ZNF423: variants seen among roughly 807,000 people sequenced by gnomAD.
ZNF423 encodes the protein zinc finger protein 423, also known as Ebf-associated zinc finger protein.
ZNF423 carries 12 observed loss-of-function variants against 95.8 expected under a neutral mutation model. The observed-to-expected ratio is 0.13, with a 90% CI of 0.08 to 0.20. The LOEUF (loss-of-function observed/expected upper bound fraction) is 0.20, where lower values mean the gene tolerates loss of function less well. Among genes scored for constraint, ZNF423 ranks in the 10% least tolerant of loss-of-function variants. The probability of loss-of-function intolerance (pLI) is 1.00; values close to 1 mark genes in which losing one functional copy is unlikely to be tolerated. For synonymous variants in ZNF423, 749 were observed against 711.9 expected, an observed-to-expected ratio of 1.05 and a Z score of -0.83; for missense variants, 1,316 against 1,737.1, an observed-to-expected ratio of 0.76 and a Z score of 4.31.
chr16:49,645,232 G>T (rs1220205576), intron 3 of ZNF423, among the ~76,000 whole-genome samples: 1 of 152,132 alleles, frequency 6.6e-6, no homozygotes, highest in Non-Finnish European at 1.5e-5. Flanking sequence ...CCAAGAATAG[G>T]AATCACTGTG....
intron 3 of ZNF423, among the ~76,000 whole-genome samples, chr16:49,704,791 G>A (rs1392289802): frequency 6.6e-6 from 1 of 152,092 alleles, no homozygotes; most frequent in African/African-American, 2.4e-5. Flanking sequence ...GCTGCACTGT[G>A]GGCCTTCAAA....
chr16:49,697,046 G>A (rs189216625), intron 3 of ZNF423, among the ~76,000 whole-genome samples: 39 of 152,330 alleles, frequency 2.6e-4, no homozygotes, highest in African/African-American at 6.3e-4. Flanking sequence ...CATCGTGGGG[G>A]AGGAGGCTGG....
In ZNF423 at chr16:49,492,464, G is replaced by A. The variant is rs947449865; in HGVS notation, c.3850-1160C>T. 6.6e-6 allele frequency among the ~76,000 whole-genome samples: 1 copy of A among 151,202 alleles called. No homozygotes were observed. Among genetic ancestry groups the A allele is most frequent in the African/African-American group, 2.5e-5 (1 of 40,570 alleles). On this transcript the variant is annotated intron_variant, in intron 7 of 7. Transcript: ENST00000563137. The surrounding 1 kb of genome is among the most constrained non-coding windows in gnomAD (Gnocchi z 4.2). ...CCAGGTGATGCCAGTAGCCTCGCCCGGAGGCCGAGGCCGGGGCCGGGGCCG... is the reference window on the plus strand; with the variant it reads ...CCAGGTGATGCCAGTAGCCTCGCCCAGAGGCCGAGGCCGGGGCCGGGGCCG...
At chr16:49,549,380 C>T (rs965870123) in intron 5 of ZNF423, among the ~76,000 whole-genome samples, 1 of 152,212 alleles carries the variant, frequency 6.6e-6, no homozygotes, top group Non-Finnish European at 1.5e-5. Flanking sequence ...AGCCAGATGG[C>T]AGGGAAGAGC....
chr16:49,652,227 T>C (rs922666278), intron 3 of ZNF423, among the ~76,000 whole-genome samples: 1 of 146,404 alleles, frequency 6.8e-6, no homozygotes, highest in Non-Finnish European at 1.5e-5. Context: ...CCTTGAAGCC[T>C]CTGACCTCGC....
At chr16:49,776,315 G>A (rs978951665) in intron 2 of ZNF423, among the ~76,000 whole-genome samples, 5 of 152,146 alleles carry the variant, frequency 3.3e-5, no homozygotes, top group Admixed American at 6.5e-5. Flanking sequence ...CCAGCCCAGC[G>A]GGTGGGGAGG....
chr16:49,831,607 C>G (rs1364035058), intron 1 of ZNF423, among the ~76,000 whole-genome samples: 1 of 152,202 alleles, frequency 6.6e-6, no homozygotes, highest in Non-Finnish European at 1.5e-5. Flanking sequence ...TGATGAAGGC[C>G]TGGAAGCACA....
intron 5 of ZNF423, among the ~76,000 whole-genome samples, chr16:49,527,636 T>C (rs1246466215): frequency 6.6e-6 from 1 of 152,086 alleles, no homozygotes; most frequent in Non-Finnish European, 1.5e-5. Flanking sequence ...CTGTGCAGAG[T>C]TTTCTGTAAG....
intron 1 of ZNF423, among the ~76,000 whole-genome samples, chr16:49,843,841 C>T (rs988636721): frequency 7.2e-5 from 11 of 152,042 alleles, no homozygotes; most frequent in Non-Finnish European, 1.6e-4. Context: ...GACCACCCCC[C>T]CTCCAAAGAT....
At chr16:49,511,938 A>C (rs1191199272) in intron 7 of ZNF423, among the ~76,000 whole-genome samples, 2 of 152,212 alleles carry the variant, frequency 1.3e-5, no homozygotes, top group African/African-American at 4.8e-5. Flanking sequence ...TTAATGTCAC[A>C]TGGGGGCCCA....
At chr16:49,785,415 A>G (rs1410992863) in intron 2 of ZNF423, among the ~76,000 whole-genome samples, 1 of 152,246 alleles carries the variant, frequency 6.6e-6, no homozygotes, top group African/African-American at 2.4e-5. Flanking sequence ...AAATGTTCTA[A>G]GTTGACTGTA....
At chr16:49,842,062 C>T (rs1185542988) in intron 1 of ZNF423, among the ~76,000 whole-genome samples, 1 of 151,626 alleles carries the variant, frequency 6.6e-6, no homozygotes, top group Non-Finnish European at 1.5e-5. Context: ...CATAGCGAAA[C>T]CCTGTCTCTA....
chr16:49,734,287 G>T (rs1240515315), intron 2 of ZNF423, among the ~76,000 whole-genome samples: 1 of 152,194 alleles, frequency 6.6e-6, no homozygotes, highest in Non-Finnish European at 1.5e-5. Flanking sequence ...CCCCTCAACT[G>T]GTCCCTGTCC....
At chr16:49,790,876 C>T (rs1041547431) in intron 1 of ZNF423, among the ~76,000 whole-genome samples, 3 of 152,146 alleles carry the variant, frequency 2.0e-5, no homozygotes, top group East Asian at 1.9e-4. Flanking sequence ...GGCACTGTGC[C>T]GGCACAGGGT....
intron 1 of ZNF423, among the ~76,000 whole-genome samples, chr16:49,850,421 G>A (rs1218464319): frequency 6.6e-6 from 1 of 152,190 alleles, no homozygotes; most frequent in Non-Finnish European, 1.5e-5. Flanking sequence ...GTGTATCGGG[G>A]TTTTCCTGGC....
At chr16:49,781,172 G>C (rs1244194266) in intron 2 of ZNF423, among the ~76,000 whole-genome samples, 2 of 152,154 alleles carry the variant, frequency 1.3e-5, no homozygotes, top group African/African-American at 4.8e-5. Flanking sequence ...TTTGGGGATT[G>C]AAAGAAAAAG....
chr16:49,525,616 G>A, intron 5 of ZNF423, 122 bp from the exon 6 acceptor site: 2 of 1,407,772 alleles, frequency 1.4e-6, no homozygotes, highest in Non-Finnish European at 1.9e-6. Context: ...CGGGGCTGGT[G>A]AAGGGACTGC....
chr16:49,787,294 GA>G (rs1246938111), intron 2 of ZNF423, among the ~76,000 whole-genome samples: 3 of 150,028 alleles, frequency 2.0e-5, no homozygotes, highest in Admixed American at 6.6e-5. Context: ...TTAAAAAAAA[GA>G]AAAAAAAAGA....
chr16:49,699,890 A>G (rs1025338086), intron 3 of ZNF423, among the ~76,000 whole-genome samples: 1 of 152,164 alleles, frequency 6.6e-6, no homozygotes, highest in Non-Finnish European at 1.5e-5. Context: ...AAAGTCTCCA[A>G]GAGGGAGGAG....
Sources: allele counts gnomAD v4.1 joint callset (sites outside exome capture counted in the v4.1 genomes callset), GRCh38; gene constraint gnomAD v4.1.1; non-coding constraint Gnocchi (gnomAD v3.1); transcripts MANE v1.5; gene names NCBI Gene and HGNC (gene_info 2026-07-23, HGNC 2026-07-21).